Variants in FRMD4A observed in about 807,000 individuals in gnomAD.
The protein encoded by FRMD4A is FERM domain containing 4A, also known as FERM domain-containing protein 4A.
Under a neutral mutation model 129.1 loss-of-function variants are expected in FRMD4A, and 29 were observed. That is an observed-to-expected ratio of 0.22 (90% CI 0.17 to 0.31). The LOEUF is 0.31. FRMD4A is among the 10% of genes least tolerant of loss of function. FRMD4A has a pLI of 1.00. For synonymous variants in FRMD4A, 634 were observed against 571.6 expected (o/e 1.11, Z -1.56); for missense variants, 1,272 against 1,375.8 (o/e 0.92, Z 1.19).
At chr10:13,878,702 G>A (rs1050971339) in intron 2 of FRMD4A, among the ~76,000 whole-genome samples, 10 of 151,764 alleles carry the variant, frequency 6.6e-5, no homozygotes, top group East Asian at 1.9e-4. Context: ...GCAGTGAGCC[G>A]AGATCACGCT....
At position 14,288,118 on chromosome 10, in the gene FRMD4A, CT is replaced by C. The variant is rs535105846; in HGVS notation, c.45+41939del. On this transcript the variant is annotated intron_variant, in intron 2 of 24. Transcript: ENST00000357447. ...TGCCAACCCATCCCCTCTCATCACC[CT>C]TTTCATCTTTTCCATTCCTTTCTTC... 5.9e-5 allele frequency among the ~76,000 whole-genome samples: 9 copies of C among 152,276 alleles called. No homozygotes were observed. In the South Asian group the frequency reaches 1.2e-3, roughly 21 times the overall value.
chr10:14,292,456 C>A (rs902932237), intron 2 of FRMD4A, among the ~76,000 whole-genome samples: 1 of 152,184 alleles, frequency 6.6e-6, no homozygotes, highest in African/African-American at 2.4e-5. Flanking sequence ...ATGGCATATC[C>A]TCCTCACATG....
intron 2 of FRMD4A, among the ~76,000 whole-genome samples, chr10:14,322,547 G>A (rs1398165624): frequency 6.6e-6 from 1 of 152,194 alleles, no homozygotes; most frequent in African/African-American, 2.4e-5. Context: ...GGGTGTGCAT[G>A]ATGTACTTGG....
At chr10:13,671,983 G>C (rs1056287308) in intron 16 of FRMD4A, among the ~76,000 whole-genome samples, 2 of 152,276 alleles carry the variant, frequency 1.3e-5, no homozygotes, top group Admixed American at 1.3e-4. Flanking sequence ...GCCCAGGGCT[G>C]AGTGCCCAGC....
At chr10:14,211,411 T>C (rs985036440) in intron 2 of FRMD4A, among the ~76,000 whole-genome samples, 3 of 152,204 alleles carry the variant, frequency 2.0e-5, no homozygotes, top group Admixed American at 2.0e-4. Context: ...GGGCCTAAGC[T>C]TTGAATTACT....
intron 3 of FRMD4A, among the ~76,000 whole-genome samples, chr10:13,824,517 A>G (rs2093673269): frequency 6.6e-6 from 1 of 151,678 alleles, no homozygotes; most frequent in Non-Finnish European, 1.5e-5. Flanking sequence ...ATAAATAAAG[A>G]TAAAAATAAA....
intron 2 of FRMD4A, among the ~76,000 whole-genome samples, chr10:13,975,929 C>T (rs1267574101): frequency 6.6e-6 from 1 of 152,148 alleles, no homozygotes; most frequent in Admixed American, 6.5e-5. Flanking sequence ...TCATCACTTT[C>T]CTTATTCTTT....
chr10:14,057,348 T>C (rs1393823424), intron 2 of FRMD4A, among the ~76,000 whole-genome samples: 3 of 152,200 alleles, frequency 2.0e-5, no homozygotes, highest in Admixed American at 2.0e-4. Context: ...CTGAATATAG[T>C]ATCTTCACAC....
chr10:13,807,991 G>T (rs766087668), intron 4 of FRMD4A, among the ~76,000 whole-genome samples: 61 of 152,132 alleles, frequency 4.0e-4, no homozygotes, highest in Non-Finnish European at 7.4e-4. Flanking sequence ...TAGAGACGGG[G>T]TTTCACCATG....
In FRMD4A at chr10:14,172,406, A is replaced by G. The variant is rs150063872; in HGVS notation, c.45+157652T>C. On this transcript the variant is annotated intron_variant, in intron 2 of 24. Coordinates refer to ENST00000357447, the MANE Select transcript of FRMD4A (RefSeq NM_018027.5). ...AATATGTGAGCAGCCTGACTCACTG[A>G]CATCCATTTCTCCCCCGACTATAGC... Among the ~76,000 whole-genome samples the G allele has an allele frequency of 5.1e-3, 776 of 152,286 alleles. 3 individuals are homozygous for G. The highest frequency in any genetic ancestry group is 0.018 in the African/African-American group (729 of 41,566).
intron 2 of FRMD4A, among the ~76,000 whole-genome samples, chr10:13,885,679 G>A (rs992062119): frequency 7.9e-5 from 12 of 152,136 alleles, no homozygotes; most frequent in East Asian, 5.8e-4. Flanking sequence ...CCCTGCAGCC[G>A]TGGCTGCAGC....
intron 2 of FRMD4A, among the ~76,000 whole-genome samples, chr10:13,915,014 G>A (rs150158877): frequency 1.5e-4 from 23 of 151,978 alleles, no homozygotes; most frequent in Admixed American, 1.5e-3. Flanking sequence ...ACCTGGCCTC[G>A]AAAACAACAA....
intron 2 of FRMD4A, among the ~76,000 whole-genome samples, chr10:13,873,455 A>C (rs1291653025): frequency 6.6e-6 from 1 of 152,238 alleles, no homozygotes; most frequent in Non-Finnish European, 1.5e-5. Flanking sequence ...AGTAGAACAA[A>C]GTGTGTATGA....
chr10:14,114,193 G>A (rs1036098750), intron 2 of FRMD4A, among the ~76,000 whole-genome samples: 1 of 152,230 alleles, frequency 6.6e-6, no homozygotes, highest in African/African-American at 2.4e-5. Context: ...GCAGACTTGG[G>A]TGGATTCATT....
At chr10:13,707,261 C>T (rs548298615) in intron 12 of FRMD4A, 148 bp from the exon 13 acceptor site, 2 of 809,668 alleles carry the variant, frequency 2.5e-6, no homozygotes, top group South Asian at 1.8e-5. Flanking sequence ...TTGCTTGACA[C>T]ACACACACAC....
intron 3 of FRMD4A, among the ~76,000 whole-genome samples, chr10:13,840,024 T>G (rs562886064): frequency 2.6e-5 from 4 of 152,288 alleles, no homozygotes; most frequent in African/African-American, 9.6e-5. Flanking sequence ...CTGTGGTGGG[T>G]GGCTTTGCAC....
intron 2 of FRMD4A, among the ~76,000 whole-genome samples, chr10:14,313,355 C>G (rs958513254): frequency 2.6e-5 from 4 of 151,896 alleles, no homozygotes; most frequent in African/African-American, 9.7e-5. Context: ...AGAGCAAGAC[C>G]CTGTCTCAGA....
rs2095040725 is a variant in FRMD4A at position 13,919,005 on chromosome 10, G to A, written c.46-60093C>T. 2.0e-5 allele frequency among the ~76,000 whole-genome samples: 3 copies of A among 152,082 alleles called. No individual in the cohort carries two copies. In the South Asian group the frequency reaches 6.2e-4, roughly 31 times the overall value. On this transcript the variant is annotated intron_variant, in intron 2 of 24. Transcript: ENST00000357447. ...TCTGTGGTCTGGTGGCTTCTTTCTA[G>A]AATTAGGAAGCTCATCTTAATTTCC...
At chr10:14,192,880 T>C (rs750086548) in intron 2 of FRMD4A, among the ~76,000 whole-genome samples, 8 of 152,272 alleles carry the variant, frequency 5.3e-5, no homozygotes, top group Non-Finnish European at 1.2e-4. Flanking sequence ...GTTGCATTTC[T>C]AATCACACCA....
Sources: allele counts gnomAD v4.1 joint callset (sites outside exome capture counted in the v4.1 genomes callset), GRCh38; gene constraint gnomAD v4.1.1; transcripts MANE v1.5; gene names NCBI Gene and HGNC (gene_info 2026-07-23, HGNC 2026-07-21).